The following DPYSL3 variants were observed in gnomAD, a reference collection of about 807,000 sequenced individuals.
DPYSL3 encodes the protein dihydropyrimidinase like 3.
DPYSL3 carries 16 observed loss-of-function variants against 66.1 expected under a neutral mutation model. The observed-to-expected ratio is 0.24, with a 90% CI of 0.16 to 0.37. The LOEUF (loss-of-function observed/expected upper bound fraction) is 0.37. Ranked by LOEUF, DPYSL3 falls within the 10% of genes least tolerant of loss-of-function variation. The pLI is 1.00. For synonymous variants in DPYSL3, 338 were observed against 345.1 expected, an observed-to-expected ratio of 0.98 and a Z score of 0.23; for missense variants, 738 against 916.2, an observed-to-expected ratio of 0.81 and a Z score of 2.51.
chr5:147,479,957 G>A (rs2126434112), intron 1 of DPYSL3, among the ~76,000 whole-genome samples: 1 of 152,272 alleles, frequency 6.6e-6, no homozygotes, highest in Non-Finnish European at 1.5e-5. Context: ...GTACAGTGAT[G>A]AGACCAAGGC....
In DPYSL3 at chr5:147,453,471, G is replaced by C. The variant is rs544288704; in HGVS notation, c.382-28508C>G. Reference sequence around the variant, plus strand: ...GGGACCAGGCCAGAGAAGCCGGCGGGATCCGAGCCGACCCCGCCCGCAGCG... The same window carrying C: ...GGGACCAGGCCAGAGAAGCCGGCGGCATCCGAGCCGACCCCGCCCGCAGCG... On this transcript the variant is annotated intron_variant, in intron 1 of 13. Transcript: ENST00000343218. 1.5e-3 allele frequency: 2,183 copies of C among 1,480,930 alleles called. 38 individuals are homozygous for C. The African/African-American group carries it at 0.028, about 19-fold the overall frequency. The allele number at this position is 1,480,930 out of a possible 1,614,324, so 91.7% of individuals were successfully genotyped here.
At chr5:147,397,087 A>G (rs991120226) in intron 12 of DPYSL3, among the ~76,000 whole-genome samples, 1 of 148,156 alleles carries the variant, frequency 6.7e-6, no homozygotes, top group Non-Finnish European at 1.5e-5. Context: ...AATATAATAC[A>G]TATATTGTAA....
chr5:147,462,605 G>A (rs1166676550), intron 1 of DPYSL3, among the ~76,000 whole-genome samples: 11 of 152,118 alleles, frequency 7.2e-5, no homozygotes, highest in Admixed American at 7.2e-4. Flanking sequence ...CACAAAGCCT[G>A]GTAGGTCTCT....
chr5:147,433,740 C>T (rs1325926468), intron 1 of DPYSL3, among the ~76,000 whole-genome samples: 3 of 152,134 alleles, frequency 2.0e-5, no homozygotes, highest in Non-Finnish European at 4.4e-5. Context: ...TTGGTACTCA[C>T]AAAAGACTCC....
intron 6 of DPYSL3, among the ~76,000 whole-genome samples, chr5:147,410,633 T>C (rs1474468611): frequency 6.6e-6 from 1 of 152,170 alleles, no homozygotes; most frequent in Non-Finnish European, 1.5e-5. Flanking sequence ...TCAACAAATA[T>C]TTGTTGAACG....
chr5:147,415,299 C>G (rs536365263), intron 4 of DPYSL3, among the ~76,000 whole-genome samples: 1 of 152,222 alleles, frequency 6.6e-6, no homozygotes, highest in South Asian at 2.1e-4. Flanking sequence ...AAAAATGATA[C>G]AGGTTAAAAA....
intron 1 of DPYSL3, among the ~76,000 whole-genome samples, chr5:147,449,179 T>C (rs539331572): frequency 2.0e-5 from 3 of 152,214 alleles, no homozygotes; most frequent in Non-Finnish European, 4.4e-5. Context: ...AGTCTAGTTC[T>C]AGGCCCCCAG....
In DPYSL3 at chr5:147,477,561, C is replaced by CTTTTTTTTT. The variant is rs56406515; in HGVS notation, c.381+31908_381+31916dup. ...GAAGGAAAAATAAAAACACCTAAAT[C>CTTTTTTTTT]TTTTTTTTTTTTTTTTTTTTTTTTT... On this transcript the variant is annotated intron_variant, in intron 1 of 13. Coordinates refer to ENST00000343218, the MANE Select transcript of DPYSL3 (RefSeq NM_001197294.2). Among the ~76,000 whole-genome samples, 4 of 64,760 alleles carry CTTTTTTTTT rather than the reference C, an allele frequency of 6.2e-5. 1 individual carries two copies. Among genetic ancestry groups the CTTTTTTTTT allele is most frequent in the African/African-American group, 2.4e-4 (4 of 16,460 alleles). The allele number at this position is 64,760 out of a possible 152,430, so 42.5% of individuals were successfully genotyped here.
Position 147,509,300 on chromosome 5 carries a change from G to T in DPYSL3, c.381+178C>A, listed in dbSNP as rs958259057. Reference sequence around the variant, plus strand: ...GAAGATGCTGCAAGTGGCGACACGCGCGAATCCAGGGTCTGGGCTAGGAAG... The same window carrying T: ...GAAGATGCTGCAAGTGGCGACACGCTCGAATCCAGGGTCTGGGCTAGGAAG... On this transcript the variant is annotated intron_variant, in intron 1 of 13. Coordinates refer to ENST00000343218, the MANE Select transcript of DPYSL3 (RefSeq NM_001197294.2). This position sits in a 1 kb window ranked among gnomAD's most constrained non-coding sequence, Gnocchi z 5.3. Among the ~76,000 whole-genome samples, 1 of 152,196 alleles carries T rather than the reference G, an allele frequency of 6.6e-6. No individual in the cohort carries two copies. The highest frequency in any genetic ancestry group is 2.4e-5 in the African/African-American group (1 of 41,452).
chr5:147,497,900 C>CTCTCTCTCTCTCTCTT (rs932440224), intron 1 of DPYSL3, among the ~76,000 whole-genome samples: 1 of 151,498 alleles, frequency 6.6e-6, no homozygotes, highest in Non-Finnish European at 1.5e-5. Context: ...CTTCCCTTCT[C>CTCTCTCTCTCTCTCTT]TCTCTCTCTC....
intron 1 of DPYSL3, among the ~76,000 whole-genome samples, chr5:147,433,166 G>GTA (rs1752345074): frequency 1.3e-5 from 2 of 152,306 alleles, no homozygotes; most frequent in East Asian, 1.9e-4. Flanking sequence ...TGCTATTGAA[G>GTA]TATAGGTCCA....
Position 147,395,633 on chromosome 5 carries a change from C to G in DPYSL3, c.1892G>C (p.Gly631Ala). ...CCGAGTAGGAGAGCCCCGAGCAGAG[C>G]CTGCGGGGGTGCCACCTTTGGGGGT... ...TTTPKGGTPA[G>A]SARGSPTRPN... is the part of the protein sequence containing the mutation. The change falls in exon 13 of 14, where the codon GGC (glycine) becomes GCC (alanine). Residue 631 changes from glycine (G) to alanine (A), a missense_variant. Transcript: ENST00000343218. 1 of 1,614,112 alleles carries G rather than the reference C, an allele frequency of 6.2e-7. No homozygotes were observed. The highest frequency in any genetic ancestry group is 1.1e-5 in the South Asian group (1 of 91,070).
chr5:147,507,957 G>A (rs145268678), intron 1 of DPYSL3, among the ~76,000 whole-genome samples: 5 of 152,238 alleles, frequency 3.3e-5, no homozygotes, highest in East Asian at 1.9e-4. Context: ...CACTACTCCC[G>A]CCCGTTCCAG....
intron 12 of DPYSL3, among the ~76,000 whole-genome samples, chr5:147,396,199 A>T (rs1757964977): frequency 6.6e-6 from 1 of 152,148 alleles, no homozygotes; most frequent in African/African-American, 2.4e-5. Context: ...CTCCACCCTC[A>T]CACTCTTCAG....
chr5:147,501,020 G>A (rs975791422), intron 1 of DPYSL3, among the ~76,000 whole-genome samples: 3 of 150,920 alleles, frequency 2.0e-5, no homozygotes, highest in East Asian at 2.0e-4. Context: ...ATGTGCCCAC[G>A]AATGTTTATA....
rs929710931 is a variant in DPYSL3, at chr5:147,493,507, G to A, written c.381+15971C>T. ...AGGGAAGATCACTTGGGCCTAGGAA[G>A]TCACAGCTGCAAGCCATGATCATGC... On this transcript the variant is annotated intron_variant, in intron 1 of 13. Transcript: ENST00000343218. Among the ~76,000 whole-genome samples the A allele has an allele frequency of 3.9e-5, 6 of 152,086 alleles. 1 individual carries two copies. The highest frequency in any genetic ancestry group is 3.9e-4 in the Admixed American group (6 of 15,258).
intron 1 of DPYSL3, among the ~76,000 whole-genome samples, chr5:147,459,600 C>CAA (rs532681119): frequency 2.8e-5 from 4 of 142,684 alleles, no homozygotes; most frequent in African/African-American, 1.0e-4. Flanking sequence ...ACACATAAAC[C>CAA]AAAAAAAAAA....
intron 12 of DPYSL3, among the ~76,000 whole-genome samples, chr5:147,397,025 G>T (rs1670672482): frequency 6.8e-6 from 1 of 146,456 alleles, no homozygotes; most frequent in South Asian, 2.1e-4. Flanking sequence ...ATATATAAAT[G>T]TTTATTTATA....
At chr5:147,405,928 C>A in intron 7 of DPYSL3, 198 bp from the exon 8 acceptor site, 1 of 550,568 alleles carries the variant, frequency 1.8e-6, no homozygotes, top group Non-Finnish European at 3.1e-6. Context: ...TTCCCAGTGC[C>A]TCTATCCCTC....
Sources: allele counts gnomAD v4.1 joint callset (sites outside exome capture counted in the v4.1 genomes callset), GRCh38; gene constraint gnomAD v4.1.1; non-coding constraint Gnocchi (gnomAD v3.1); transcripts MANE v1.5; gene names NCBI Gene and HGNC (gene_info 2026-07-23, HGNC 2026-07-21).